PCLO: variants seen among roughly 807,000 people sequenced by gnomAD.
PCLO encodes protein piccolo.
Under a neutral mutation model 427.5 loss-of-function variants are expected in PCLO, and 82 were observed. That is an observed-to-expected ratio of 0.19 (90% CI 0.16 to 0.23). PCLO has a LOEUF of 0.23. Ranked by LOEUF, PCLO falls within the 10% of genes least tolerant of loss-of-function variation. PCLO has a pLI of 1.00. For missense variants in PCLO, 6,239 were observed against 6,115.9 expected (o/e 1.02, Z -0.67); for synonymous variants, 2,357 against 2,155.4 (o/e 1.09, Z -2.59).
chr7:82,828,336 A>G (rs1432087462), intron 16 of PCLO, among the ~76,000 whole-genome samples: 1 of 152,134 alleles, frequency 6.6e-6, no homozygotes, highest in African/African-American at 2.4e-5. Flanking sequence ...ACCTTACTAT[A>G]GTTTTGTACA....
At chr7:82,882,838 C>G (rs1303440838) in intron 9 of PCLO, among the ~76,000 whole-genome samples, 4 of 151,980 alleles carry the variant, frequency 2.6e-5, no homozygotes, top group African/African-American at 9.7e-5. Context: ...AAGGAAAAAT[C>G]TTTACATTTG....
intron 2 of PCLO, among the ~76,000 whole-genome samples, chr7:83,139,281 TCTTTA>T (rs1172619464): frequency 1.2e-4 from 19 of 152,322 alleles, no homozygotes; most frequent in Admixed American, 5.9e-4. Context: ...TTGTGGTGAT[TCTTTA>T]CTTTGCTACT....
chr7:82,952,077 G>T lies in PCLO; in HGVS notation c.8876C>A (p.Ala2959Glu), dbSNP rs752668460. Reference protein sequence around the residue: ...FGRSCTAQQPATTLPEDRFGY... With the variant: ...FGRSCTAQQPETTLPEDRFGY... ...AAAACGATCCTCAGGAAGAGTAGTT[G>T]CAGGCTGCTGTGCTGTGCAGCTCCT... The change falls in exon 5 of 25, where the codon GCA becomes GAA. Residue 2959 changes from alanine (A) to glutamate (E), a missense_variant. This residue lies in a region of PCLO where 4,677 missense variants were observed against 4,468.4 expected (regional missense o/e 1.05). Coordinates refer to ENST00000333891, the MANE Select transcript of PCLO (RefSeq NM_033026.6). 21 of 1,613,836 alleles carry T rather than the reference G, an allele frequency of 1.3e-5. No individual in the cohort carries two copies. The South Asian group carries it at 2.0e-4, about 15-fold the overall frequency.
At chr7:83,016,904 A>G (rs1788223071) in intron 3 of PCLO, among the ~76,000 whole-genome samples, 1 of 152,128 alleles carries the variant, frequency 6.6e-6, no homozygotes, top group African/African-American at 2.4e-5. Flanking sequence ...TAGCAGAGCC[A>G]ATGGCAATTC....
At chr7:83,137,630 A>C (rs7780615) in intron 2 of PCLO, among the ~76,000 whole-genome samples, 3,503 of 151,876 alleles carry the variant, frequency 0.023, 140 homozygotes, top group African/African-American at 0.079. Flanking sequence ...ACAGGTTTTC[A>C]CCGTGTTAGC....
chr7:82,779,140 G>A (rs111431872), intron 22 of PCLO, among the ~76,000 whole-genome samples: 1 of 151,968 alleles, frequency 6.6e-6, no homozygotes, highest in African/African-American at 2.4e-5. Context: ...CAGATATTAT[G>A]AGTATTTTGT....
At chr7:82,855,561 A>G (rs1341069343) in intron 10 of PCLO, among the ~76,000 whole-genome samples, 3 of 152,194 alleles carry the variant, frequency 2.0e-5, no homozygotes, top group Admixed American at 6.6e-5. Context: ...AATTGCCTAC[A>G]TGCTGATATT....
At chr7:83,053,770 C>T (rs956144883) in intron 3 of PCLO, among the ~76,000 whole-genome samples, 8 of 151,670 alleles carry the variant, frequency 5.3e-5, no homozygotes, top group African/African-American at 1.7e-4. Context: ...TCCTAGGCTG[C>T]AATAATATTG....
chr7:83,116,531 T>C (rs1475718689), intron 3 of PCLO, among the ~76,000 whole-genome samples: 1 of 152,218 alleles, frequency 6.6e-6, no homozygotes, highest in African/African-American at 2.4e-5. Flanking sequence ...AAGTTGTATG[T>C]ATTCACCATG....
chr7:82,863,823 T>G (rs987947888), intron 10 of PCLO, among the ~76,000 whole-genome samples: 11 of 152,230 alleles, frequency 7.2e-5, no homozygotes, highest in African/African-American at 2.4e-4. Flanking sequence ...ACCATCTGAT[T>G]GGTGGTTATT....
At chr7:83,121,524 T>C (rs1477176461) in intron 3 of PCLO, among the ~76,000 whole-genome samples, 1 of 152,072 alleles carries the variant, frequency 6.6e-6, no homozygotes, top group Non-Finnish European at 1.5e-5. Flanking sequence ...AATCCTTATT[T>C]ATAAATTATA....
At position 82,956,499 on chromosome 7, in the gene PCLO, T is replaced by C. The variant is rs1489181527; in HGVS notation, c.4454A>G (p.Gln1485Arg). 1 of 1,613,386 alleles carries C rather than the reference T, an allele frequency of 6.2e-7. No individual in the cohort carries two copies. The highest frequency in any genetic ancestry group is 8.5e-7 in the Non-Finnish European group (1 of 1,179,770). ...RKDTFKKDSQ[Q>R]DIPSSKDHKE... is the part of the protein sequence containing the mutation. Reference sequence around the variant, plus strand: ...ATGGTCCTTGCTGGAAGGAATATCTTGTTGGCTATCTTTTTTAAAAGTGTC... The same window carrying C: ...ATGGTCCTTGCTGGAAGGAATATCTCGTTGGCTATCTTTTTTAAAAGTGTC... Residue 1485 changes from glutamine (Q) to arginine (R), a missense_variant, in exon 5 of 25, where the codon CAA becomes CGA. This residue lies in a region of PCLO where 4,677 missense variants were observed against 4,468.4 expected (regional missense o/e 1.05). Transcript: ENST00000333891.
intron 9 of PCLO, among the ~76,000 whole-genome samples, chr7:82,880,084 G>C (rs1436130587): frequency 6.6e-6 from 1 of 152,096 alleles, no homozygotes; most frequent in Admixed American, 6.6e-5. Context: ...CACATGAAAA[G>C]ACCAGGGTGA....
chr7:83,075,136 GAA>G (rs1192143835), intron 3 of PCLO, among the ~76,000 whole-genome samples: 1 of 151,890 alleles, frequency 6.6e-6, no homozygotes, highest in African/African-American at 2.4e-5. Context: ...GTACCGGTTT[GAA>G]AAAGAGGTTC....
chr7:82,926,393 GT>G (rs1297369643), intron 6 of PCLO, among the ~76,000 whole-genome samples: 1 of 151,992 alleles, frequency 6.6e-6, no homozygotes, highest in Non-Finnish European at 1.5e-5. Context: ...TTTAAAGGTA[GT>G]TTTTCTCTAA....
intron 6 of PCLO, among the ~76,000 whole-genome samples, chr7:82,936,297 G>C (rs1250521241): frequency 6.6e-6 from 1 of 151,486 alleles, no homozygotes; most frequent in Non-Finnish European, 1.5e-5. Flanking sequence ...AGAAAAACTA[G>C]AAAATTCTCA....
Position 82,953,128 on chromosome 7 carries a change from G to A in PCLO, c.7825C>T (p.Pro2609Ser), listed in dbSNP as rs1795403170. 1 of 1,613,956 alleles carries A rather than the reference G, an allele frequency of 6.2e-7. No individual in the cohort carries two copies. Among genetic ancestry groups the A allele is most frequent in the Non-Finnish European group, 8.5e-7 (1 of 1,179,860 alleles). Residue 2609 changes from proline to serine, a missense_variant, in exon 5 of 25, where the codon CCC becomes TCC. By Grantham distance (74) the Pro-to-Ser change is moderately conservative. Around this residue, in one of 5 missense-constraint regions of PCLO, gnomAD observed 4,677 missense variants for 4,468.4 expected, o/e 1.05. Transcript: ENST00000333891. ...TCAACAGAAACCAGATCTTTGGAGGGTGATCCCAAGGGCCAACTGGTAATT... is the reference window on the plus strand; with the variant it reads ...TCAACAGAAACCAGATCTTTGGAGGATGATCCCAAGGGCCAACTGGTAATT... ...QAITSWPLGS[P>S]SKDLVSVEPV...
intron 6 of PCLO, among the ~76,000 whole-genome samples, chr7:82,947,804 C>G (rs10281601): frequency 0.057 from 8,601 of 152,156 alleles, 800 homozygotes; most frequent in African/African-American, 0.2. Context: ...GTAATACAAC[C>G]TTTACAACCC....
chr7:83,000,614 G>A (rs1787799209), intron 3 of PCLO, among the ~76,000 whole-genome samples: 1 of 151,936 alleles, frequency 6.6e-6, no homozygotes, highest in African/African-American at 2.4e-5. Context: ...TCCCTGGCAT[G>A]CACAGTTCAC....
Sources: gnomAD v4.1 joint callset for allele counts (sites outside exome capture counted in the v4.1 genomes callset) on GRCh38, gnomAD v4.1.1 for gene constraint, gnomAD v4.1.1 regional missense constraint, MANE v1.5 for transcripts, NCBI Gene and HGNC (gene_info 2026-07-23, HGNC 2026-07-21) for gene names.